KDM4B: variants seen among roughly 807,000 people sequenced by gnomAD.
KDM4B encodes lysine demethylase 4B.
KDM4B carries 32 observed loss-of-function variants against 125.2 expected under a neutral mutation model. The ratio of observed to expected loss-of-function variants is 0.26; its 90% CI spans 0.19 to 0.34. KDM4B has a LOEUF of 0.34. KDM4B is among the 10% of genes least tolerant of loss of function. The pLI is 1.00. For synonymous variants in KDM4B, 721 were observed against 677.9 expected, an observed-to-expected ratio of 1.06 and a Z score of -0.99; for missense variants, 1,190 against 1,577.7, an observed-to-expected ratio of 0.75 and a Z score of 4.16.
intron 2 of KDM4B, among the ~76,000 whole-genome samples, chr19:5,028,593 C>T (rs534802351): frequency 1.7e-4 from 26 of 152,250 alleles, no homozygotes; most frequent in Non-Finnish European, 3.1e-4. Flanking sequence ...GGCAGATACG[C>T]AGGAGTGGAA....
In KDM4B at chr19:5,033,137, C is replaced by T. The variant is rs572220727; in HGVS notation, c.141+106C>T. The T allele has an allele frequency of 4.7e-5, 63 of 1,334,548 alleles. 1 individual carries two copies. Among genetic ancestry groups the T allele is most frequent in the Admixed American group, 4.3e-4 (20 of 46,158 alleles). 82.7% of individuals were successfully genotyped at this position (1,334,548 alleles called of 1,614,324 possible). ...CAGCCCCACAGGCGTGGCCTGTGCA[C>T]GTGGAATGTGTTTCGGGGCCACTCC... On this transcript the variant is annotated intron_variant, in intron 3 of 22. Coordinates refer to ENST00000159111, the MANE Select transcript of KDM4B (RefSeq NM_015015.3).
intron 1 of KDM4B, among the ~76,000 whole-genome samples, chr19:4,972,290 C>A (rs7248469): frequency 0.016 from 2,316 of 145,362 alleles, 70 homozygotes; most frequent in African/African-American, 0.057. Context: ...GTCACTTCCC[C>A]TCTCTGGGCC....
chr19:5,022,017 T>TGATC (rs750698534), intron 2 of KDM4B, among the ~76,000 whole-genome samples: 1 of 152,192 alleles, frequency 6.6e-6, no homozygotes, highest in Non-Finnish European at 1.5e-5. Flanking sequence ...GGGCAATGTG[T>TGATC]GATCGTCCGT....
rs2035252130 is a variant in KDM4B, at chr19:4,997,848, GC to G, written c.-108-18405del. ...TCCAGGAGGTTGCTAGACCTGGCGG[GC>G]CCCAGGGCCAGGAGTGAGGGGCGGA... On this transcript the variant is annotated intron_variant, in intron 1 of 22. Transcript: ENST00000159111. The surrounding 1 kb of genome is among the most constrained non-coding windows in gnomAD (Gnocchi z 4.2). 6.6e-6 allele frequency among the ~76,000 whole-genome samples: 1 copy of G among 152,252 alleles called. No homozygotes were observed.
intron 7 of KDM4B, among the ~76,000 whole-genome samples, chr19:5,072,565 G>A (rs534452711): frequency 6.6e-6 from 1 of 152,356 alleles, no homozygotes; most frequent in African/African-American, 2.4e-5. Context: ...TACTAAAGCT[G>A]TGAAAGAAAA....
intron 1 of KDM4B, among the ~76,000 whole-genome samples, chr19:5,001,039 T>C (rs913506979): frequency 6.7e-6 from 1 of 148,220 alleles, no homozygotes; most frequent in Non-Finnish European, 1.5e-5. Context: ...GTCCCCTTCT[T>C]TTTTTTTTTT....
intron 21 of KDM4B, among the ~76,000 whole-genome samples, chr19:5,147,164 A>G (rs1326529244): frequency 6.6e-6 from 1 of 152,132 alleles, no homozygotes; most frequent in Non-Finnish European, 1.5e-5. Flanking sequence ...CAGGCTGAGC[A>G]TGTGCCAGTC....
intron 1 of KDM4B, among the ~76,000 whole-genome samples, chr19:4,995,337 T>C (rs2145401449): frequency 6.6e-6 from 1 of 152,156 alleles, no homozygotes; most frequent in South Asian, 2.1e-4. Flanking sequence ...TTTTTTGAGA[T>C]GGATTCTTAC....
At chr19:4,991,017 A>G (rs996786200) in intron 1 of KDM4B, among the ~76,000 whole-genome samples, 6 of 152,062 alleles carry the variant, frequency 3.9e-5, no homozygotes, top group African/African-American at 1.4e-4. Context: ...GCTACTAGGG[A>G]GGGGACAGGA....
At chr19:5,137,592 G>A (rs200928594) in intron 16 of KDM4B, 29 bp from the exon 17 acceptor site, 64 of 1,597,918 alleles carry the variant, frequency 4.0e-5, no homozygotes, top group Middle Eastern at 1.7e-4. Context: ...TCCGAGCCCT[G>A]CTCATCCAGG....
intron 6 of KDM4B, among the ~76,000 whole-genome samples, chr19:5,063,124 C>T (rs1036364576): frequency 6.6e-6 from 1 of 151,940 alleles, no homozygotes; most frequent in Non-Finnish European, 1.5e-5. Context: ...TGGGAGAGTC[C>T]CTGCTAGTCC....
chr19:5,037,160 G>A (rs147885323), intron 3 of KDM4B, among the ~76,000 whole-genome samples: 3 of 152,326 alleles, frequency 2.0e-5, no homozygotes, highest in South Asian at 2.1e-4. Context: ...CTGAAGAGGC[G>A]AATTCACGGC....
At chr19:5,101,208 G>A (rs1258786551) in intron 9 of KDM4B, among the ~76,000 whole-genome samples, 1 of 130,436 alleles carries the variant, frequency 7.7e-6, no homozygotes, top group African/African-American at 2.9e-5. Flanking sequence ...GGCAACAAGA[G>A]CAAGACTCCG....
intron 18 of KDM4B, among the ~76,000 whole-genome samples, chr19:5,138,637 C>G (rs933864394): frequency 6.6e-6 from 1 of 152,110 alleles, no homozygotes; most frequent in Non-Finnish European, 1.5e-5. Flanking sequence ...GCCTAGACAA[C>G]AGAGCCAGGC....
At chr19:4,976,920 C>T (rs913316128) in intron 1 of KDM4B, among the ~76,000 whole-genome samples, 31 of 152,234 alleles carry the variant, frequency 2.0e-4, no homozygotes, top group African/African-American at 5.8e-4. Context: ...GAAATCGTAC[C>T]GTTAATTTAC....
At chr19:5,009,418 G>T (rs1004286932) in intron 1 of KDM4B, among the ~76,000 whole-genome samples, 6 of 152,154 alleles carry the variant, frequency 3.9e-5, no homozygotes, top group African/African-American at 1.4e-4. Context: ...TCTTCAGTGG[G>T]GCCTGGAAGT....
Position 5,151,542 on chromosome 19 carries a change from C to G in KDM4B, c.*31C>G. The G allele has an allele frequency of 6.1e-6, 8 of 1,316,524 alleles. No individual in the cohort carries two copies. Among genetic ancestry groups the G allele is most frequent in the African/African-American group, 1.5e-5 (1 of 65,156 alleles). 81.6% of individuals were successfully genotyped at this position (1,316,524 alleles called of 1,614,324 possible). ...CTGGCCGCTCAGGCGACCCTCAGCC[C>G]GGCGGGGAGGCCATGGCATGCCCCG... On this transcript the variant is annotated 3_prime_UTR_variant, in exon 23 of 23. Transcript: ENST00000159111.
rs1390871441 is a variant in KDM4B, at chr19:5,123,334, CGAGGACCCAG to C, written c.1315+3490_1315+3499del. Among the ~76,000 whole-genome samples the C allele has an allele frequency of 2.0e-5, 3 of 152,348 alleles. No homozygotes were observed. The East Asian group carries it at 5.8e-4, about 29-fold the overall frequency. On this transcript the variant is annotated intron_variant, in intron 11 of 22. Coordinates refer to ENST00000159111, the MANE Select transcript of KDM4B (RefSeq NM_015015.3). ...AGGTGTCAGCCGGGCTGGCCCATTC[CGAGGACCCAG>C]GAGGACCTCTCCCAGGCCCCTTTCC...
At chr19:4,982,012 C>G (rs1050300454) in intron 1 of KDM4B, among the ~76,000 whole-genome samples, 2 of 152,180 alleles carry the variant, frequency 1.3e-5, no homozygotes, top group Non-Finnish European at 2.9e-5. Flanking sequence ...CTAGAAGAGC[C>G]AGGTGCAGTG....
Sources: gnomAD v4.1 joint callset for allele counts (sites outside exome capture counted in the v4.1 genomes callset) on GRCh38, gnomAD v4.1.1 for gene constraint, Gnocchi (gnomAD v3.1) non-coding constraint, MANE v1.5 for transcripts, NCBI Gene and HGNC (gene_info 2026-07-23, HGNC 2026-07-21) for gene names.